Variants in GRIK5 observed in about 807,000 individuals in gnomAD.
GRIK5 encodes glutamate receptor ionotropic, kainate 5.
A neutral mutation model predicts 97.4 loss-of-function variants in GRIK5; 43 were observed. That is an observed-to-expected ratio of 0.44 (90% CI 0.35 to 0.57). The LOEUF (loss-of-function observed/expected upper bound fraction) is 0.57. Among genes scored for constraint, GRIK5 ranks in the 20% least tolerant of loss-of-function variants. The pLI is 0.01. For missense variants in GRIK5, 1,015 were observed against 1,382.0 expected (o/e 0.73, Z 4.21); for synonymous variants, 580 against 583.5 (o/e 0.99, Z 0.09).
At position 41,998,845 on chromosome 19, in the gene GRIK5, G is replaced by C. The variant is rs2075401774; in HGVS notation, c.*26C>G. ...CGGGCCCCGTCCCTTCGGTCAGTCC[G>C]GGCGCCCGCACAGCCCCGCCCGTGG... On this transcript the variant is annotated 3_prime_UTR_variant, in exon 20 of 20. Transcript: ENST00000593562. 1.8e-6 allele frequency: 2 copies of C among 1,104,040 alleles called. No individual in the cohort carries two copies. The highest frequency in any genetic ancestry group is 2.2e-6 in the Non-Finnish European group (2 of 902,324). The allele number at this position is 1,104,040 out of a possible 1,614,324, so 68.4% of individuals were successfully genotyped here. A position where few individuals can be genotyped will look rare whatever the true frequency, so the allele number is the denominator to read the frequency against.
intron 15 of GRIK5, among the ~76,000 whole-genome samples, chr19:42,010,066 C>CAAAAAAAA (rs60561027): frequency 9.6e-6 from 1 of 104,108 alleles, no homozygotes; most frequent in Non-Finnish European, 2.0e-5. Flanking sequence ...AACTCCATCT[C>CAAAAAAAA]AAAAAAAAAA....
intron 8 of GRIK5, among the ~76,000 whole-genome samples, chr19:42,055,865 T>C (rs916232634): frequency 3.3e-5 from 5 of 152,094 alleles, no homozygotes; most frequent in Non-Finnish European, 7.4e-5. Context: ...GTATTTTTAG[T>C]AGAAACAGGA....
At chr19:42,067,155 G>T (rs1483288614) in intron 1 of GRIK5, among the ~76,000 whole-genome samples, 1 of 152,204 alleles carries the variant, frequency 6.6e-6, no homozygotes, top group African/African-American at 2.4e-5. Flanking sequence ...TACTGTGGGG[G>T]GCACAGAATG....
intron 5 of GRIK5, among the ~76,000 whole-genome samples, chr19:42,061,235 G>C (rs1004351392): frequency 1.1e-4 from 17 of 152,342 alleles, no homozygotes; most frequent in East Asian, 3.9e-4. Flanking sequence ...TTTTAGTAGA[G>C]ACGGGGTTTC....
chr19:42,059,156 G>A (rs370805984), intron 6 of GRIK5, among the ~76,000 whole-genome samples, 193 bp downstream of exon 6: 4 of 152,230 alleles, frequency 2.6e-5, no homozygotes, highest in East Asian at 1.9e-4. Flanking sequence ...AGGGAGATGC[G>A]GTGACTGCTC....
chr19:42,058,582 C>CT (rs1024993836), intron 6 of GRIK5, among the ~76,000 whole-genome samples: 17 of 149,094 alleles, frequency 1.1e-4, no homozygotes, highest in African/African-American at 3.7e-4. Flanking sequence ...AATTCCAGCA[C>CT]TTTGGGAGGC....
chr19:42,002,113 T>A lies in GRIK5; in HGVS notation c.2514+1219A>T, dbSNP rs782160264. ...TATACATGAGGCCTGAGACCGGGAA[T>A]TTCAGACATGGAAGTTGCTGGTGAC... On this transcript the variant is annotated intron_variant, in intron 19 of 19. Coordinates refer to ENST00000593562, the MANE Select transcript of GRIK5 (RefSeq NM_002088.5). The surrounding 1 kb of genome is among the most constrained non-coding windows in gnomAD (Gnocchi z 5.2). 1.4e-6 allele frequency: 1 copy of A among 716,182 alleles called. No homozygotes were observed. Among genetic ancestry groups the A allele is most frequent in the Non-Finnish European group, 2.6e-6 (1 of 384,292 alleles). 44.4% of individuals were successfully genotyped at this position (716,182 alleles called of 1,614,324 possible). A position where few individuals can be genotyped will look rare whatever the true frequency, so the allele number is the denominator to read the frequency against.
chr19:42,005,253 A>AC (rs1228264327), intron 17 of GRIK5, among the ~76,000 whole-genome samples: 71 of 151,442 alleles, frequency 4.7e-4, no homozygotes, highest in South Asian at 2.5e-3. Context: ...AAAAAAAAAA[A>AC]AAAACAAAAC....
intron 15 of GRIK5, among the ~76,000 whole-genome samples, chr19:42,015,009 T>C (rs1017514081): frequency 6.6e-6 from 1 of 152,226 alleles, no homozygotes; most frequent in Non-Finnish European, 1.5e-5. Context: ...AGAGTGCCTA[T>C]ATTAGTATCA....
Position 42,062,605 on chromosome 19 carries a change from G to C in GRIK5, c.391C>G (p.Leu131Val). 1 of 1,614,192 alleles carries C rather than the reference G, an allele frequency of 6.2e-7. No homozygotes were observed. The highest frequency in any genetic ancestry group is 8.5e-7 in the Non-Finnish European group (1 of 1,180,028). ...GPEETPRLQY[L>V]RFASVSLYPS... Reference sequence around the variant, plus strand: ...TACAGGCTGACAGACGCGAAGCGAAGGTACTGAAGGCGGGGTGTCTCCTCG... The same window carrying C: ...TACAGGCTGACAGACGCGAAGCGAACGTACTGAAGGCGGGGTGTCTCCTCG... Residue 131 changes from leucine (L) to valine (V), a missense_variant, in exon 5 of 20, where the codon CTT becomes GTT. Transcript: ENST00000593562. This position sits in a 1 kb window ranked among gnomAD's most constrained non-coding sequence, Gnocchi z 5.3.
intron 15 of GRIK5, among the ~76,000 whole-genome samples, chr19:42,019,443 C>A (rs192172030): frequency 5.4e-4 from 83 of 152,320 alleles, no homozygotes; most frequent in Admixed American, 9.8e-4. Flanking sequence ...TCTGCAACAT[C>A]ATTATATGGA....
Position 42,021,338 on chromosome 19 carries a change from G to T in GRIK5, c.1834C>A (p.Pro612Thr), listed in dbSNP as rs529614443. Residue 612 changes from proline to threonine, a missense_variant, in exon 15 of 20, where the codon CCC (proline) becomes ACC (threonine). This residue lies in a region of GRIK5 where 477 missense variants were observed against 701.1 expected (regional missense o/e 0.68). Transcript: ENST00000593562. This position sits in a 1 kb window ranked among gnomAD's most constrained non-coding sequence, Gnocchi z 4.2. ...GFMQQGSEIMPRALSTRCVSG... is the reference protein window; with the variant it reads ...GFMQQGSEIMTRALSTRCVSG... ...ACACAGCGCGTGGACAGCGCCCGGGGCATGATCTCCGAGCCCTGCTGCATG... is the reference window on the plus strand; with the variant it reads ...ACACAGCGCGTGGACAGCGCCCGGGTCATGATCTCCGAGCCCTGCTGCATG... 7 of 1,613,438 alleles carry T rather than the reference G, an allele frequency of 4.3e-6. No individual in the cohort carries two copies. The Admixed American group carries it at 1.2e-4, about 27-fold the overall frequency.
Position 42,021,859 on chromosome 19 carries a change from G to A in GRIK5, c.1697+88C>T, listed in dbSNP as rs987222414. ...GGCCCCAAAGGGGAGGCCAAGGACA[G>A]TTCCGAGAGAGAAGAGGCAGGTCGG... is the stretch of plus-strand genomic sequence containing the variant. On this transcript the variant is annotated intron_variant, in intron 14 of 19. Transcript: ENST00000593562. This position sits in a 1 kb window ranked among gnomAD's most constrained non-coding sequence, Gnocchi z 4.2. The A allele has an allele frequency of 9.8e-6, 8 of 817,668 alleles. No individual in the cohort carries two copies. Among genetic ancestry groups the A allele is most frequent in the Non-Finnish European group, 1.6e-5 (8 of 494,964 alleles). 50.7% of individuals were successfully genotyped at this position (817,668 alleles called of 1,614,324 possible). A position where few individuals can be genotyped will look rare whatever the true frequency, so the allele number is the denominator to read the frequency against.
At position 42,002,108 on chromosome 19, in the gene GRIK5, G is replaced by T. The variant is rs544134293; in HGVS notation, c.2514+1224C>A. ...CCTCATATACATGAGGCCTGAGACC[G>T]GGAATTTCAGACATGGAAGTTGCTG... On this transcript the variant is annotated intron_variant, in intron 19 of 19. Coordinates refer to ENST00000593562, the MANE Select transcript of GRIK5 (RefSeq NM_002088.5). This position sits in a 1 kb window ranked among gnomAD's most constrained non-coding sequence, Gnocchi z 5.2. 8 of 715,676 alleles carry T rather than the reference G, an allele frequency of 1.1e-5. No individual in the cohort carries two copies. Among genetic ancestry groups the T allele is most frequent in the Non-Finnish European group, 2.1e-5 (8 of 384,056 alleles). The allele number at this position is 715,676 out of a possible 1,614,324, so 44.3% of individuals were successfully genotyped here.
Position 42,003,984 on chromosome 19 carries a change from C to G in GRIK5, c.2264-301G>C, listed in dbSNP as rs1361964004. On this transcript the variant is annotated intron_variant, in intron 17 of 19. Transcript: ENST00000593562. The surrounding 1 kb of genome is among the most constrained non-coding windows in gnomAD (Gnocchi z 4.2). ...TCACCCCCACGGCTCTCAGCTCCAG[C>G]CTCATCAGCCTCCTGGCTGCTCCCC... 6.6e-6 allele frequency among the ~76,000 whole-genome samples: 1 copy of G among 152,202 alleles called. No homozygotes were observed. The highest frequency in any genetic ancestry group is 1.5e-5 in the Non-Finnish European group (1 of 68,042).
Position 42,065,676 on chromosome 19 carries a change from T to C in GRIK5, c.79+16A>G. On this transcript the variant is annotated intron_variant, in intron 2 of 19. Transcript: ENST00000593562. The surrounding 1 kb of genome is among the most constrained non-coding windows in gnomAD (Gnocchi z 5.8). ...AGGGCCTGAGGATGCAGGGGCAGGG[T>C]GCGGGAGGGCCTCACCCATGCGCAG... is the stretch of plus-strand genomic sequence containing the variant. The C allele has an allele frequency of 6.4e-7, 1 of 1,558,660 alleles. No homozygotes were observed. The highest frequency in any genetic ancestry group is 8.7e-7 in the Non-Finnish European group (1 of 1,152,660).
intron 12 of GRIK5, among the ~76,000 whole-genome samples, chr19:42,029,520 G>A (rs772006714): frequency 4.6e-5 from 7 of 152,094 alleles, no homozygotes; most frequent in Admixed American, 1.3e-4. Context: ...TGAGGTTGCA[G>A]TGAGCCGAGA....
intron 11 of GRIK5, among the ~76,000 whole-genome samples, chr19:42,047,219 T>C (rs2076053751): frequency 2.0e-5 from 3 of 151,886 alleles, no homozygotes; most frequent in Admixed American, 1.3e-4. Flanking sequence ...TTTTTAAAAT[T>C]GAAGTATGAT....
intron 15 of GRIK5, among the ~76,000 whole-genome samples, chr19:42,010,520 G>C (rs1328114693): frequency 6.6e-6 from 1 of 152,178 alleles, no homozygotes; most frequent in Non-Finnish European, 1.5e-5. Flanking sequence ...GATGCAACAT[G>C]CTGAAAGAAA....
Sources: allele counts gnomAD v4.1 joint callset (sites outside exome capture counted in the v4.1 genomes callset), GRCh38; gene constraint gnomAD v4.1.1; regional missense constraint gnomAD v4.1.1; non-coding constraint Gnocchi (gnomAD v3.1); transcripts MANE v1.5; gene names NCBI Gene and HGNC (gene_info 2026-07-23, HGNC 2026-07-21).